Variants in SGCZ observed in about 807,000 individuals in gnomAD.
The protein encoded by SGCZ is zeta-sarcoglycan.
In SGCZ, 40 loss-of-function variants were observed where a neutral mutation model predicts 41.3. The observed-to-expected ratio is 0.97, with a 90% CI of 0.75 to 1.26. SGCZ has a LOEUF of 1.26. Among genes scored for constraint, SGCZ ranks in the 50% most tolerant of loss-of-function variants. The pLI, the probability that SGCZ is intolerant of heterozygous loss-of-function variation, is 0.00. For missense variants in SGCZ, 552 were observed against 369.8 expected (o/e 1.49, Z -4.04); for synonymous variants, 206 against 137.5 (o/e 1.50, Z -3.49).
chr8:15,190,334 T>TTTCATTCATTCATTCATTCA, intron 1 of SGCZ, among the ~76,000 whole-genome samples: 1 of 150,484 alleles, frequency 6.6e-6, no homozygotes, highest in Non-Finnish European at 1.5e-5. Flanking sequence ...GGATAATTCA[T>TTTCATTCATTCATTCATTCA]TTCATTCATT....
chr8:14,766,342 T>C (rs1352014176), intron 1 of SGCZ, among the ~76,000 whole-genome samples: 2 of 152,064 alleles, frequency 1.3e-5, no homozygotes, highest in Non-Finnish European at 2.9e-5. Flanking sequence ...GGGGTATAGT[T>C]TAGCCAGATT....
intron 1 of SGCZ, among the ~76,000 whole-genome samples, chr8:15,080,572 T>G (rs1188031379): frequency 1.3e-5 from 2 of 152,052 alleles, no homozygotes; most frequent in Non-Finnish European, 2.9e-5. Flanking sequence ...TGAGCCCTAA[T>G]CTAATATGCT....
At chr8:15,088,984 A>C (rs1383250010) in intron 1 of SGCZ, among the ~76,000 whole-genome samples, 1 of 152,154 alleles carries the variant, frequency 6.6e-6, no homozygotes, top group African/African-American at 2.4e-5. Context: ...TGTTCATAAC[A>C]GTAAACACCA....
chr8:15,095,976 G>T (rs1374570793), intron 1 of SGCZ, among the ~76,000 whole-genome samples: 1 of 152,130 alleles, frequency 6.6e-6, no homozygotes, highest in Non-Finnish European at 1.5e-5. Flanking sequence ...TCACGAAAAT[G>T]AGCAGTTCTG....
intron 2 of SGCZ, among the ~76,000 whole-genome samples, chr8:14,424,179 C>T (rs550020261): frequency 2.0e-5 from 3 of 152,156 alleles, no homozygotes; most frequent in Non-Finnish European, 4.4e-5. Flanking sequence ...GAAAAATAAG[C>T]TGTGAAGTGT....
chr8:14,771,241 T>A (rs1800226709), intron 1 of SGCZ, among the ~76,000 whole-genome samples: 2 of 152,132 alleles, frequency 1.3e-5, no homozygotes, highest in Admixed American at 6.6e-5. Context: ...TAAGTGTGTG[T>A]TTATATACCT....
At chr8:15,151,625 A>G (rs1426559071) in intron 1 of SGCZ, among the ~76,000 whole-genome samples, 2 of 152,222 alleles carry the variant, frequency 1.3e-5, no homozygotes, top group East Asian at 3.8e-4. Flanking sequence ...AAGTAGAGAA[A>G]TACTTCAAAC....
At chr8:14,465,434 T>A (rs919399366) in intron 2 of SGCZ, among the ~76,000 whole-genome samples, 2 of 151,740 alleles carry the variant, frequency 1.3e-5, no homozygotes, top group Non-Finnish European at 3.0e-5. Flanking sequence ...AATCTATTTG[T>A]GTCTTTGGAT....
intron 1 of SGCZ, among the ~76,000 whole-genome samples, chr8:15,119,425 G>C (rs944626904): frequency 2.0e-5 from 3 of 151,796 alleles, no homozygotes; most frequent in African/African-American, 7.3e-5. Context: ...AGCTACTCAG[G>C]AAGCTGAAGT....
chr8:14,606,340 C>A (rs376330752), intron 1 of SGCZ, among the ~76,000 whole-genome samples: 4 of 152,110 alleles, frequency 2.6e-5, no homozygotes, highest in African/African-American at 9.7e-5. Flanking sequence ...TAAACCTCCT[C>A]AACTCAATAC....
chr8:14,998,306 G>C (rs1200342592), intron 1 of SGCZ, among the ~76,000 whole-genome samples: 3 of 152,142 alleles, frequency 2.0e-5, no homozygotes, highest in Non-Finnish European at 4.4e-5. Flanking sequence ...TCTTTTCCAT[G>C]AAAAATACAA....
intron 3 of SGCZ, among the ~76,000 whole-genome samples, chr8:14,251,071 T>G (rs1359180598): frequency 6.6e-6 from 1 of 152,098 alleles, no homozygotes; most frequent in Non-Finnish European, 1.5e-5. Flanking sequence ...CTACTTAAAG[T>G]ACAAAAATTA....
chr8:14,875,597 G>A (rs1804327225), intron 1 of SGCZ, among the ~76,000 whole-genome samples: 1 of 152,108 alleles, frequency 6.6e-6, no homozygotes, highest in Non-Finnish European at 1.5e-5. Flanking sequence ...GAAAAGCACT[G>A]TACCACTTTG....
chr8:14,204,280 G>GT (rs11384632), intron 4 of SGCZ, among the ~76,000 whole-genome samples: 101,508 of 146,240 alleles, frequency 0.69, 35,736 homozygotes, highest in African/African-American at 0.83. Flanking sequence ...CACTCTGAAT[G>GT]TTTTTTTTTT....
chr8:14,387,586 A>T (rs536465481), intron 2 of SGCZ, among the ~76,000 whole-genome samples: 1 of 152,294 alleles, frequency 6.6e-6, no homozygotes, highest in South Asian at 2.1e-4. Flanking sequence ...ATATTAAGAC[A>T]ATAAAGATGT....
At chr8:14,621,992 T>C (rs1023251830) in intron 1 of SGCZ, among the ~76,000 whole-genome samples, 6 of 152,054 alleles carry the variant, frequency 3.9e-5, no homozygotes, top group African/African-American at 1.4e-4. Context: ...TATGGCCTAT[T>C]TGTGCTCTAC....
chr8:14,153,490 T>A (rs1012347400), intron 5 of SGCZ, among the ~76,000 whole-genome samples: 10 of 152,210 alleles, frequency 6.6e-5, no homozygotes, highest in African/African-American at 2.4e-4. Flanking sequence ...ATACATCCCA[T>A]AGAGTAAAGT....
At chr8:14,884,225 A>G (rs950059479) in intron 1 of SGCZ, among the ~76,000 whole-genome samples, 1 of 152,134 alleles carries the variant, frequency 6.6e-6, no homozygotes, top group Non-Finnish European at 1.5e-5. Context: ...CATTGCACTG[A>G]GAATGTGCAA....
chr8:14,588,046 A>G (rs1254646973), intron 1 of SGCZ, among the ~76,000 whole-genome samples: 2 of 152,132 alleles, frequency 1.3e-5, no homozygotes, highest in Non-Finnish European at 2.9e-5. Flanking sequence ...TTTTATACAG[A>G]ATTAATTTAT....
Sources: allele counts gnomAD v4.1 joint callset (sites outside exome capture counted in the v4.1 genomes callset), GRCh38; gene constraint gnomAD v4.1.1; transcripts MANE v1.5; gene names NCBI Gene and HGNC (gene_info 2026-07-23, HGNC 2026-07-21).